Variants in DAB1 observed in about 807,000 individuals in gnomAD.
DAB1 encodes DAB adaptor protein 1.
In DAB1, 15 loss-of-function variants were observed where a neutral mutation model predicts 64.6. The ratio of observed to expected loss-of-function variants is 0.23; its 90% CI spans 0.16 to 0.36. The LOEUF is 0.36. Among genes scored for constraint, DAB1 ranks in the 10% least tolerant of loss-of-function variants. DAB1 has a pLI of 1.00. For missense variants in DAB1, 596 were observed against 706.7 expected, an observed-to-expected ratio of 0.84 and a Z score of 1.78; for synonymous variants, 235 against 251.9, an observed-to-expected ratio of 0.93 and a Z score of 0.64.
intron 2 of DAB1, among the ~76,000 whole-genome samples, chr1:57,202,441 A>G (rs1665182209): frequency 6.6e-6 from 1 of 152,170 alleles, no homozygotes; most frequent in Non-Finnish European, 1.5e-5. Flanking sequence ...GAACCCATTG[A>G]AATGCAAAGA....
intron 1 of DAB1, among the ~76,000 whole-genome samples, chr1:57,833,944 C>T (rs986824951): frequency 1.1e-4 from 17 of 152,208 alleles, no homozygotes; most frequent in Non-Finnish European, 2.1e-4. Context: ...CATTTCATTA[C>T]ATTTTGCCCA....
At chr1:57,183,348 T>C (rs1484864622) in intron 2 of DAB1, among the ~76,000 whole-genome samples, 1 of 152,006 alleles carries the variant, frequency 6.6e-6, no homozygotes. Context: ...CCTGTAGAGA[T>C]GGAGAGGGAG....
At chr1:57,935,212 A>T (rs1186691203) in intron 5 of DAB1, among the ~76,000 whole-genome samples, 1 of 152,200 alleles carries the variant, frequency 6.6e-6, no homozygotes, top group East Asian at 1.9e-4. Context: ...CAGAAAGCAG[A>T]GGGACTGGAT....
At chr1:57,163,920 T>C (rs1660995490) in intron 2 of DAB1, among the ~76,000 whole-genome samples, 1 of 152,126 alleles carries the variant, frequency 6.6e-6, no homozygotes, top group Non-Finnish European at 1.5e-5. Flanking sequence ...TGTCAAATTC[T>C]GGTTGTGTGG....
At chr1:57,563,302 T>A (rs1645074831) in intron 7 of DAB1, among the ~76,000 whole-genome samples, 1 of 152,152 alleles carries the variant, frequency 6.6e-6, no homozygotes, top group South Asian at 2.1e-4. Flanking sequence ...TAAGAAAATA[T>A]CTTCAGCAGT....
At chr1:57,678,306 A>G (rs1342169357) in intron 6 of DAB1, among the ~76,000 whole-genome samples, 1 of 152,230 alleles carries the variant, frequency 6.6e-6, no homozygotes, top group Non-Finnish European at 1.5e-5. Flanking sequence ...ATTGAGAACT[A>G]AAACAAACAA....
intron 1 of DAB1, among the ~76,000 whole-genome samples, chr1:57,408,169 C>T (rs990504417): frequency 6.6e-6 from 1 of 152,194 alleles, no homozygotes; most frequent in African/African-American, 2.4e-5. Flanking sequence ...CTGCTGAGAC[C>T]TGCAAGCTAG....
chr1:57,776,292 C>CA (rs56664108), intron 6 of DAB1, among the ~76,000 whole-genome samples: 18 of 150,460 alleles, frequency 1.2e-4, no homozygotes, highest in South Asian at 4.2e-4. Flanking sequence ...TTCCAAATTC[C>CA]AAAAAAAAAA....
intron 2 of DAB1, among the ~76,000 whole-genome samples, chr1:57,211,558 A>G (rs1157853431): frequency 6.6e-6 from 1 of 152,148 alleles, no homozygotes; most frequent in African/African-American, 2.4e-5. Flanking sequence ...TTGTGTCTCC[A>G]TTTATTTACC....
At chr1:57,419,246 A>C (rs564912888) in intron 1 of DAB1, among the ~76,000 whole-genome samples, 1 of 152,324 alleles carries the variant, frequency 6.6e-6, no homozygotes, top group South Asian at 2.1e-4. Context: ...CTGGACAAGG[A>C]GTCCAAGAAT....
chr1:57,158,803 C>T (rs533333444), intron 2 of DAB1, among the ~76,000 whole-genome samples: 8 of 152,250 alleles, frequency 5.3e-5, no homozygotes, highest in Admixed American at 3.9e-4. Flanking sequence ...TGGTTGCTGT[C>T]ATTATTGCTA....
intron 6 of DAB1, among the ~76,000 whole-genome samples, chr1:57,766,170 T>A (rs769774825): frequency 3.6e-4 from 55 of 151,946 alleles, no homozygotes; most frequent in Admixed American, 1.0e-3. Flanking sequence ...GCTACCACCA[T>A]CATCTCTTGC....
chr1:58,112,293 C>A (rs772639955), intron 5 of DAB1, among the ~76,000 whole-genome samples: 1 of 152,142 alleles, frequency 6.6e-6, no homozygotes, highest in Non-Finnish European at 1.5e-5. Context: ...ATGAAAGTTC[C>A]TTAAGAGCAA....
chr1:58,286,806 T>C (rs969755212), intron 4 of DAB1, among the ~76,000 whole-genome samples: 2 of 152,180 alleles, frequency 1.3e-5, no homozygotes, highest in African/African-American at 2.4e-5. Flanking sequence ...GACCCAGCAA[T>C]TGCATTACTG....
intron 6 of DAB1, among the ~76,000 whole-genome samples, chr1:57,703,902 T>C (rs555547532): frequency 3.3e-5 from 5 of 152,256 alleles, no homozygotes; most frequent in African/African-American, 1.2e-4. Context: ...CGGATGGAAC[T>C]GGAGGCCCTT....
chr1:58,041,547 C>G (rs928948596), intron 5 of DAB1, among the ~76,000 whole-genome samples: 2 of 152,162 alleles, frequency 1.3e-5, no homozygotes, highest in African/African-American at 4.8e-5. Context: ...GTTGCAGAAC[C>G]TAGAACATTG....
chr1:58,377,378 G>A (rs1292591489), intron 3 of DAB1, among the ~76,000 whole-genome samples: 1 of 141,050 alleles, frequency 7.1e-6, no homozygotes, highest in African/African-American at 2.7e-5. Flanking sequence ...AGGCCTGGTG[G>A]TGACAAAATC....
intron 3 of DAB1, among the ~76,000 whole-genome samples, chr1:58,391,047 A>T (rs889529272): frequency 1.2e-4 from 19 of 152,338 alleles, no homozygotes; most frequent in African/African-American, 4.3e-4. Flanking sequence ...TGAATATATC[A>T]GCCAGGAAAA....
intron 7 of DAB1, among the ~76,000 whole-genome samples, chr1:57,454,637 A>T (rs899489537): frequency 6.6e-6 from 1 of 152,104 alleles, no homozygotes; most frequent in African/African-American, 2.4e-5. Flanking sequence ...AAACCTGTAC[A>T]TGTACCCCTA....
Sources: gnomAD v4.1 joint callset for allele counts (sites outside exome capture counted in the v4.1 genomes callset) on GRCh38, gnomAD v4.1.1 for gene constraint, MANE v1.5 for transcripts, NCBI Gene and HGNC (gene_info 2026-07-23, HGNC 2026-07-21) for gene names.